CYP26B1: variants seen among roughly 807,000 people sequenced by gnomAD.
The protein encoded by CYP26B1 is cytochrome P450 26B1.
In CYP26B1, 8 loss-of-function variants were observed where a neutral mutation model predicts 39.1. The ratio of observed to expected loss-of-function variants is 0.20; its 90% CI spans 0.12 to 0.37. The LOEUF is 0.37. Among genes scored for constraint, CYP26B1 ranks in the 10% least tolerant of loss-of-function variants. The pLI is 1.00. For synonymous variants in CYP26B1, 321 were observed against 314.3 expected (o/e 1.02, Z -0.23); for missense variants, 615 against 707.0 (o/e 0.87, Z 1.48).
At chr2:72,141,483 A>T (rs1322993124) in intron 2 of CYP26B1, among the ~76,000 whole-genome samples, 3 of 152,146 alleles carry the variant, frequency 2.0e-5, no homozygotes, top group African/African-American at 7.2e-5. Flanking sequence ...GGAAACAGTG[A>T]CGCTCCAGTT....
chr2:72,133,802 G>A (rs1676672396), intron 4 of CYP26B1, among the ~76,000 whole-genome samples: 1 of 152,194 alleles, frequency 6.6e-6, no homozygotes, highest in Non-Finnish European at 1.5e-5. Flanking sequence ...GGGAGCCAAT[G>A]GGGTCTGGGA....
Position 72,143,989 on chromosome 2 carries a change from CT to C in CYP26B1, c.428del (p.Lys143ArgfsTer22). 1 of 1,613,456 alleles carries C rather than the reference CT, an allele frequency of 6.2e-7. No homozygotes were observed. Among genetic ancestry groups the C allele is most frequent in the Non-Finnish European group, 8.5e-7 (1 of 1,180,008 alleles). ...GGAAGAAAACGGGCAGAGTTCTTAC[CT>C]TGCGCTTGTTGCGGTGGATGTCGCC... ...SIGDIHRNKR[K>X]VFSKIFSHEA... On this transcript the variant is annotated frameshift_variant and splice_region_variant, in exon 2 of 6. Transcript: ENST00000001146. LOFTEE classifies it high-confidence loss of function.
intron 2 of CYP26B1, among the ~76,000 whole-genome samples, chr2:72,136,774 C>T (rs1676791679): frequency 6.6e-6 from 1 of 152,134 alleles, no homozygotes; most frequent in African/African-American, 2.4e-5. Context: ...AAAGGCAATG[C>T]TTGTTTGCTT....
At chr2:72,143,376 G>GT (rs1005384098) in intron 2 of CYP26B1, among the ~76,000 whole-genome samples, 2 of 152,230 alleles carry the variant, frequency 1.3e-5, no homozygotes, top group East Asian at 3.9e-4. Flanking sequence ...TCTTTCGGGG[G>GT]GGGGTGGGTG....
At chr2:72,133,480 T>TGGACAC (rs1280168259) in intron 4 of CYP26B1, among the ~76,000 whole-genome samples, 173 bp from the exon 5 acceptor site, 1 of 152,224 alleles carries the variant, frequency 6.6e-6, no homozygotes, top group African/African-American at 2.4e-5. Context: ...AGTGTCACGA[T>TGGACAC]GGACACGGGG....
rs541205721 is a variant in CYP26B1, at chr2:72,133,100, C to G, written c.1069G>C (p.Val357Leu). ...AACAGGCGCATGACCTCCTTGATGA[C>G]GCAGTCCAGGTAGCGCAGCCCACTG... ...TLSGLRYLDC[V>L]IKEVMRLFTP... Residue 357 changes from valine to leucine, a missense_variant, in exon 5 of 6, where the codon GTC becomes CTC. Val to Leu is a conservative substitution (Grantham distance 32, BLOSUM62 1). Transcript: ENST00000001146. 2.5e-6 allele frequency: 4 copies of G among 1,613,212 alleles called. No individual in the cohort carries two copies. Among genetic ancestry groups the G allele is most frequent in the Middle Eastern group, 3.3e-4 (2 of 6,062 alleles).
chr2:72,132,920 C>A, intron 5 of CYP26B1, 103 bp downstream of exon 5: 1 of 1,553,604 alleles, frequency 6.4e-7, no homozygotes. Context: ...ACTGTTTCCC[C>A]ATCAGGCCTG....
chr2:72,129,471 C>T lies in CYP26B1; in HGVS notation c.*2756G>A, dbSNP rs1005756444. The T allele has an allele frequency of 7.2e-5, 11 of 152,418 alleles. No individual in the cohort carries two copies. Among genetic ancestry groups the T allele is most frequent in the Non-Finnish European group, 1.6e-4 (11 of 68,008 alleles). 9.4% of individuals were successfully genotyped at this position (152,418 alleles called of 1,614,324 possible). ...ATAAAAACATATTAATATTTTGAAC[C>T]ATGTTTACAATAGAGCAAAATTCAT... On this transcript the variant is annotated 3_prime_UTR_variant, in exon 6 of 6. Coordinates refer to ENST00000001146, the MANE Select transcript of CYP26B1 (RefSeq NM_019885.4).
rs1461510879 is a variant in CYP26B1 at position 72,130,166 on chromosome 2, G to A, written c.*2061C>T. On this transcript the variant is annotated 3_prime_UTR_variant, in exon 6 of 6. Transcript: ENST00000001146. ...CCTAGATACTCAGTCAAAAACAATT[G>A]GTTCAGGGCCAGCTGGATCAGTTTA... The A allele has an allele frequency of 6.6e-6, 1 of 152,086 alleles. No individual in the cohort carries two copies. Among genetic ancestry groups the A allele is most frequent in the Non-Finnish European group, 1.5e-5 (1 of 68,046 alleles). The allele number at this position is 152,086 out of a possible 1,614,324, so 9.4% of individuals were successfully genotyped here.
chr2:72,139,227 C>T (rs923128212), intron 2 of CYP26B1, among the ~76,000 whole-genome samples: 5 of 152,162 alleles, frequency 3.3e-5, no homozygotes, highest in Admixed American at 1.3e-4. Flanking sequence ...GCCAAGCCAC[C>T]GGAGCCTCGG....
chr2:72,135,031 T>C (rs888605972), intron 3 of CYP26B1, 113 bp downstream of exon 3: 1 of 1,600,338 alleles, frequency 6.2e-7, no homozygotes, highest in African/African-American at 1.3e-5. Context: ...CTCCCCTTTG[T>C]CCATGTGCCC....
At position 72,132,431 on chromosome 2, in the gene CYP26B1, G is replaced by A. The variant is rs200419940; in HGVS notation, c.1335C>T (p.His445=). 21 of 1,613,074 alleles carry A rather than the reference G, an allele frequency of 1.3e-5. No individual in the cohort carries two copies. The highest frequency in any genetic ancestry group is 1.8e-5 in the Non-Finnish European group (21 of 1,179,542). ...GCACCTTCAGGAACAGCTTGGCCAG[G>A]TGCTTGCCCAGGCAGGTCCGGACAC... ...GGGVRTCLGK[H]LAKLFLKVLA... is the part of the protein sequence containing the mutation. Residue 445 remains histidine (H), a synonymous_variant, in exon 6 of 6, where the codon CAC becomes CAT. Transcript: ENST00000001146.
At chr2:72,138,355 GGGCGGCCAGGGC>G (rs1676838175) in intron 2 of CYP26B1, among the ~76,000 whole-genome samples, 1 of 152,172 alleles carries the variant, frequency 6.6e-6, no homozygotes, top group South Asian at 2.1e-4. Context: ...CTGGGGCAGA[GGGCGGCCAGGGC>G]GGCGTCAGGG....
rs1229027556 is a variant in CYP26B1 at position 72,129,603 on chromosome 2, A to C, written c.*2624T>G. ...AATAGTTTATAAAGACAGACACAAAATTATAACATTTATGAAAAAAAAGGT... is the reference window on the plus strand; with the variant it reads ...AATAGTTTATAAAGACAGACACAAACTTATAACATTTATGAAAAAAAAGGT... On this transcript the variant is annotated 3_prime_UTR_variant, in exon 6 of 6. Coordinates refer to ENST00000001146, the MANE Select transcript of CYP26B1 (RefSeq NM_019885.4). The C allele has an allele frequency of 6.9e-6, 1 of 145,654 alleles. No homozygotes were observed. The highest frequency in any genetic ancestry group is 1.5e-5 in the Non-Finnish European group (1 of 66,460). 9.0% of individuals were successfully genotyped at this position (145,654 alleles called of 1,614,324 possible).
intron 2 of CYP26B1, among the ~76,000 whole-genome samples, chr2:72,139,731 C>A (rs1464902214): frequency 1.3e-5 from 2 of 152,226 alleles, no homozygotes; most frequent in African/African-American, 2.4e-5. Context: ...ACCACAAACC[C>A]GCCTTAGAAA....
At position 72,147,275 on chromosome 2, in the gene CYP26B1, A is replaced by C. The variant is rs1285498655; in HGVS notation, c.204+356T>G. ...GGCTTGCAGCACCGAGGGGAGGCGA[A>C]AGCGGCTCAGGACCGGACCCTCCCC... On this transcript the variant is annotated intron_variant, in intron 1 of 5. Transcript: ENST00000001146. The surrounding 1 kb of genome is among the most constrained non-coding windows in gnomAD (Gnocchi z 6.1). Among the ~76,000 whole-genome samples the C allele has an allele frequency of 1.3e-5, 2 of 152,190 alleles. No individual in the cohort carries two copies. Among genetic ancestry groups the C allele is most frequent in the East Asian group, 1.9e-4 (1 of 5,132 alleles).
chr2:72,145,504 C>G (rs1398518865), intron 1 of CYP26B1, among the ~76,000 whole-genome samples: 1 of 152,164 alleles, frequency 6.6e-6, no homozygotes, highest in Admixed American at 6.5e-5. Context: ...ACGGCGTCTA[C>G]CCCTTTAAGA....
intron 2 of CYP26B1, among the ~76,000 whole-genome samples, chr2:72,141,061 C>G (rs3768641): frequency 0.29 from 44,625 of 152,164 alleles, 14,890 homozygotes; most frequent in African/African-American, 0.82. Flanking sequence ...CTTCTAGAAC[C>G]ATTCTCTAGC....
intron 2 of CYP26B1, among the ~76,000 whole-genome samples, chr2:72,141,222 G>C (rs550376432): frequency 6.6e-6 from 1 of 152,322 alleles, no homozygotes; most frequent in African/African-American, 2.4e-5. Flanking sequence ...CCTGGGCAGG[G>C]GAAGGGTAAC....
Sources: allele counts gnomAD v4.1 joint callset (sites outside exome capture counted in the v4.1 genomes callset), GRCh38; gene constraint gnomAD v4.1.1; non-coding constraint Gnocchi (gnomAD v3.1); transcripts MANE v1.5; gene names NCBI Gene and HGNC (gene_info 2026-07-23, HGNC 2026-07-21).